The following VPS13B variants were observed in gnomAD, a reference collection of about 807,000 sequenced individuals.
VPS13B encodes the protein vacuolar protein sorting 13 homolog B.
In VPS13B, 285 loss-of-function variants were observed where a neutral mutation model predicts 426.4. That is an observed-to-expected ratio of 0.67 (90% CI 0.61 to 0.74). The LOEUF (loss-of-function observed/expected upper bound fraction) is 0.74, where lower values mean the gene tolerates loss of function less well. VPS13B is among the 30% of genes least tolerant of loss of function. The pLI is 0.00. For synonymous variants in VPS13B, 1,676 were observed against 1,676.4 expected, an observed-to-expected ratio of 1.00 and a Z score of 0.01; for missense variants, 4,537 against 4,782.6, an observed-to-expected ratio of 0.95 and a Z score of 1.51.
rs1200705406 is a variant in VPS13B, at chr8:99,640,025, TAAGAAGAAG to T, written c.5221-1769_5221-1761del. Among the ~76,000 whole-genome samples, 21 of 104,320 alleles carry T rather than the reference TAAGAAGAAG, an allele frequency of 2.0e-4. No homozygotes were observed. The South Asian group carries it at 2.7e-3, about 13-fold the overall frequency. The allele number at this position is 104,320 out of a possible 152,430, so 68.4% of individuals were successfully genotyped here. ...ATAATAATAATAATAATAATAATAA[TAAGAAGAAG>T]AAGAAGAAGAAGAAGAGAAAAGAAA... On this transcript the variant is annotated intron_variant, in intron 33 of 61. Coordinates refer to ENST00000357162, the MANE Select transcript of VPS13B (RefSeq NM_152564.5).
chr8:99,149,628 T>G (rs1459888950), intron 14 of VPS13B, among the ~76,000 whole-genome samples: 2 of 151,854 alleles, frequency 1.3e-5, no homozygotes, highest in South Asian at 2.1e-4. Context: ...TATGTGTTTT[T>G]TTTTTTTTTT....
intron 19 of VPS13B, among the ~76,000 whole-genome samples, chr8:99,292,003 T>G (rs1005507376): frequency 1.3e-5 from 2 of 152,124 alleles, no homozygotes; most frequent in African/African-American, 4.8e-5. Flanking sequence ...TTTAAAAGAT[T>G]GTAGAATATA....
intron 56 of VPS13B, among the ~76,000 whole-genome samples, chr8:99,855,859 A>G (rs2130923183): frequency 6.6e-6 from 1 of 152,358 alleles, no homozygotes; most frequent in South Asian, 2.1e-4. Flanking sequence ...CCTATTGCTA[A>G]AAACTCATTT....
chr8:99,079,889 TGCTCCATCCTGG>T (rs1234360147), intron 3 of VPS13B, among the ~76,000 whole-genome samples: 1 of 150,908 alleles, frequency 6.6e-6, no homozygotes, highest in East Asian at 1.9e-4. Flanking sequence ...GGCGCCCCTG[TGCTCCATCCTGG>T]GCAACAAGAG....
At chr8:99,717,559 G>A (rs970733860) in intron 37 of VPS13B, among the ~76,000 whole-genome samples, 186 bp downstream of exon 37, 3 of 152,098 alleles carry the variant, frequency 2.0e-5, no homozygotes, top group Admixed American at 1.3e-4. Context: ...CCTATTTCAA[G>A]TATACAATTC....
intron 43 of VPS13B, among the ~76,000 whole-genome samples, chr8:99,795,518 T>A (rs1812759371): frequency 6.6e-6 from 1 of 152,172 alleles, no homozygotes; most frequent in Non-Finnish European, 1.5e-5. Flanking sequence ...TCTCTATTAG[T>A]CACCTATTGC....
intron 23 of VPS13B, among the ~76,000 whole-genome samples, chr8:99,451,856 A>G (rs1033141842): frequency 2.6e-5 from 4 of 152,238 alleles, no homozygotes; most frequent in Non-Finnish European, 1.5e-5. Context: ...TGTACCCTGT[A>G]TCAAACGGTG....
At position 99,835,541 on chromosome 8, in the gene VPS13B, A is replaced by G. The variant is rs1314210823; in HGVS notation, c.9745A>G (p.Ile3249Val). 6.2e-6 allele frequency: 10 copies of G among 1,613,954 alleles called. No homozygotes were observed. In the African/African-American group the frequency reaches 1.2e-4, roughly 19 times the overall value. Residue 3249 changes from isoleucine to valine, a missense_variant and splice_region_variant, in exon 54 of 62, where the codon ATT becomes GTT. Physicochemically the swap from Ile to Val is conservative, Grantham distance 29. Around this residue, in one of 2 missense-constraint regions of VPS13B, gnomAD observed 4,311 missense variants for 4,474.3 expected, o/e 0.96. Coordinates refer to ENST00000357162, the MANE Select transcript of VPS13B (RefSeq NM_152564.5). The part of the protein sequence containing the change: ...KMLIKENIKD[I>V]PKFEVYCKKI... ...ATATGCCTTTTTTAAAATTTCAGAT[A>G]TTCCAAAGTTTGAGGTTTATTGCAA...
In VPS13B at chr8:99,853,695, A is replaced by G; in HGVS notation, c.10306A>G (p.Lys3436Glu). Residue 3436 changes from lysine to glutamate, a missense_variant, in exon 56 of 62, where the codon AAG becomes GAG. By Grantham distance (56) the Lys-to-Glu change is moderately conservative. Coordinates refer to ENST00000357162, the MANE Select transcript of VPS13B (RefSeq NM_152564.5). Reference sequence around the variant, plus strand: ...GCAGCTAGACAACCAGCTTTATAACAAGTCCAATTTCCACTTTGCTGTCTT... The same window carrying G: ...GCAGCTAGACAACCAGCTTTATAACGAGTCCAATTTCCACTTTGCTGTCTT... The part of the protein sequence containing the change: ...DLQLDNQLYN[K>E]SNFHFAVLVC... 3 of 1,614,226 alleles carry G rather than the reference A, an allele frequency of 1.9e-6. No homozygotes were observed. The highest frequency in any genetic ancestry group is 2.5e-6 in the Non-Finnish European group (3 of 1,180,036).
chr8:99,478,447 G>GTTTTTTTTTTTTTTTTTGT (rs1819826219), intron 24 of VPS13B, among the ~76,000 whole-genome samples: 1 of 85,776 alleles, frequency 1.2e-5, no homozygotes, highest in Non-Finnish European at 2.1e-5. Context: ...TTTTTGTTTT[G>GTTTTTTTTTTTTTTTTTGT]TTTTTTTTTT....
At chr8:99,303,856 T>C in intron 19 of VPS13B, among the ~76,000 whole-genome samples, 1 of 152,160 alleles carries the variant, frequency 6.6e-6, no homozygotes, top group Admixed American at 6.5e-5. Flanking sequence ...GATCTCTCAG[T>C]AAGGTGATCT....
intron 17 of VPS13B, among the ~76,000 whole-genome samples, chr8:99,222,434 A>C (rs1316267164): frequency 6.6e-6 from 1 of 152,202 alleles, no homozygotes; most frequent in East Asian, 1.9e-4. Flanking sequence ...AATTGCATTA[A>C]TCACAGTGCC....
In VPS13B at chr8:99,442,550, A is replaced by G. The variant is rs1563732594; in HGVS notation, c.3360A>G (p.Gln1120=). ...MPGTLVLCLP[Q]IKIISAGHKY... ...GAACACTTGTCCTCTGTTTGCCTCA[A>G]ATAAAGATTATTAGTGCTGGGCACA... The change falls in exon 23 of 62, where the codon CAA becomes CAG. Residue 1120 remains glutamine (Q), a synonymous_variant. Transcript: ENST00000357162. The G allele has an allele frequency of 1.9e-6, 3 of 1,613,876 alleles. 1 individual carries two copies. Among genetic ancestry groups the G allele is most frequent in the Admixed American group, 3.3e-5 (2 of 59,990 alleles).
intron 19 of VPS13B, among the ~76,000 whole-genome samples, chr8:99,336,115 A>C (rs1320840475): frequency 6.6e-6 from 1 of 152,176 alleles, no homozygotes; most frequent in Non-Finnish European, 1.5e-5. Context: ...TTCAAACTAT[A>C]CTACAAGGCT....
chr8:99,142,982 A>G lies in VPS13B; in HGVS notation c.1660A>G (p.Asn554Asp). 6.2e-7 allele frequency: 1 copy of G among 1,613,310 alleles called. No individual in the cohort carries two copies. Among genetic ancestry groups the G allele is most frequent in the Non-Finnish European group, 8.5e-7 (1 of 1,179,732 alleles). The stretch of plus-strand genomic sequence containing the variant: ...AATTTGACTTCTTTTAGGTTCCACA[A>G]ATCAACAAGACTTTTCTTCAGGGAA... The part of the protein sequence containing the change: ...MENTSGKGST[N>D]QQDFSSGKSE... The change falls in exon 13 of 62, where the codon AAT becomes GAT. Residue 554 changes from asparagine to aspartate, a missense_variant. Physicochemically the swap from Asn to Asp is conservative, Grantham distance 23. Transcript: ENST00000357162.
At chr8:99,533,100 G>A (rs563850738) in intron 30 of VPS13B, among the ~76,000 whole-genome samples, 7 of 151,634 alleles carry the variant, frequency 4.6e-5, no homozygotes, top group Admixed American at 2.0e-4. Flanking sequence ...CAACCACGCC[G>A]GCTAATTTTT....
intron 19 of VPS13B, among the ~76,000 whole-genome samples, chr8:99,364,296 T>TA: frequency 6.6e-6 from 1 of 152,366 alleles, no homozygotes; most frequent in South Asian, 2.1e-4. Context: ...CATACTTGCA[T>TA]ACCCAGGATA....
intron 3 of VPS13B, among the ~76,000 whole-genome samples, chr8:99,088,809 C>T (rs1011035497): frequency 6.6e-6 from 1 of 152,172 alleles, no homozygotes; most frequent in African/African-American, 2.4e-5. Context: ...TTTCTTTTTA[C>T]AGCTTGATAT....
At chr8:99,829,720 C>T (rs536497365) in intron 51 of VPS13B, among the ~76,000 whole-genome samples, 1 of 152,324 alleles carries the variant, frequency 6.6e-6, no homozygotes, top group Non-Finnish European at 1.5e-5. Flanking sequence ...GGTTTTTCCT[C>T]ATCTTCATGG....
Sources: allele counts gnomAD v4.1 joint callset (sites outside exome capture counted in the v4.1 genomes callset), GRCh38; gene constraint gnomAD v4.1.1; regional missense constraint gnomAD v4.1.1; transcripts MANE v1.5; gene names NCBI Gene and HGNC (gene_info 2026-07-23, HGNC 2026-07-21).